ZFHX2: variants seen among roughly 807,000 people sequenced by gnomAD.
ZFHX2 encodes the protein zinc finger homeobox protein 2.
A neutral mutation model predicts 164.8 loss-of-function variants in ZFHX2; 75 were observed. The observed-to-expected ratio is 0.46, with a 90% CI of 0.38 to 0.55. ZFHX2 has a LOEUF of 0.55. Ranked by LOEUF, ZFHX2 falls within the 20% of genes least tolerant of loss-of-function variation. The pLI is 0.00. For synonymous variants in ZFHX2, 1,217 were observed against 1,351.4 expected (o/e 0.90, Z 2.18); for missense variants, 2,933 against 3,308.0 (o/e 0.89, Z 2.78).
chr14:23,544,623 C>T (rs1044029999), intron 1 of ZFHX2, among the ~76,000 whole-genome samples: 2 of 152,172 alleles, frequency 1.3e-5, no homozygotes, highest in East Asian at 1.9e-4. Flanking sequence ...GCTGTGAGCC[C>T]GTATGTGGTT....
rs535872656 is a variant in ZFHX2, at chr14:23,544,638, C to T, written c.-50+6705G>A. Reference sequence around the variant, plus strand: ...GCTGTGAGCCCGTATGTGGTTGGCCCGGCTGGCGCGGGCGTGTTTAGGGTG... The same window carrying T: ...GCTGTGAGCCCGTATGTGGTTGGCCTGGCTGGCGCGGGCGTGTTTAGGGTG... On this transcript the variant is annotated intron_variant, in intron 1 of 9. Coordinates refer to ENST00000419474, the MANE Select transcript of ZFHX2 (RefSeq NM_033400.3). Among the ~76,000 whole-genome samples, 24 of 152,272 alleles carry T rather than the reference C, an allele frequency of 1.6e-4. No homozygotes were observed. In the Middle Eastern group the frequency reaches 0.02, roughly 129 times the overall value.
rs1389572864 is a variant in ZFHX2, at chr14:23,524,521, C to A, written c.5421G>T (p.Leu1807=). Residue 1807 remains leucine, a synonymous_variant, in exon 9 of 10, where the codon CTG becomes CTT. Coordinates refer to ENST00000419474, the MANE Select transcript of ZFHX2 (RefSeq NM_033400.3). This position sits in a 1 kb window ranked among gnomAD's most constrained non-coding sequence, Gnocchi z 5.6. ...TTCTCTCCCCAAACACCAGCAAGGG[C>A]AGATCTAGGAGTTGGGGGGGAGCAC... ...QPSAPPQLLD[L]PLLVFGERNP... is the part of the protein sequence containing the mutation. 2 of 1,525,986 alleles carry A rather than the reference C, an allele frequency of 1.3e-6. No individual in the cohort carries two copies. The highest frequency in any genetic ancestry group is 2.4e-5 in the South Asian group (2 of 81,910). The allele number at this position is 1,525,986 out of a possible 1,614,324, so 94.5% of individuals were successfully genotyped here.
chr14:23,529,164 A>C (rs187766000), intron 6 of ZFHX2, among the ~76,000 whole-genome samples: 1 of 152,332 alleles, frequency 6.6e-6, no homozygotes, highest in East Asian at 1.9e-4. Flanking sequence ...CCCTCAGAAC[A>C]CAGAGCTGCC....
rs1878328672 is a variant in ZFHX2 at position 23,523,622 on chromosome 14, C to G, written c.6320G>C (p.Arg2107Thr). 2 of 1,557,946 alleles carry G rather than the reference C, an allele frequency of 1.3e-6. No homozygotes were observed. The highest frequency in any genetic ancestry group is 1.7e-6 in the Non-Finnish European group (2 of 1,157,964). Residue 2107 changes from arginine (R) to threonine (T), a missense_variant, in exon 9 of 10, where the codon AGA becomes ACA. Coordinates refer to ENST00000419474, the MANE Select transcript of ZFHX2 (RefSeq NM_033400.3). The surrounding 1 kb of genome is among the most constrained non-coding windows in gnomAD (Gnocchi z 4.1). ...ATTCTGGAACCAGACCTGGATGACT[C>G]TCTTGGGCAGCCCAATCTCCTCTCC... ...VLGEEIGLPK[R>T]VIQVWFQNAR... is the part of the protein sequence containing the mutation.
At chr14:23,530,765 C>T in intron 4 of ZFHX2, 1 of 277,610 alleles carries the variant, frequency 3.6e-6, no homozygotes, top group Non-Finnish European at 7.0e-6. Context: ...CACTTAACTC[C>T]AGCCAGCATA....
intron 1 of ZFHX2, among the ~76,000 whole-genome samples, chr14:23,549,055 A>G (rs1280762433): frequency 6.7e-6 from 1 of 150,196 alleles, no homozygotes; most frequent in Non-Finnish European, 1.5e-5. Context: ...TTGTTCAGCA[A>G]TTCCTCCCTT....
chr14:23,531,369 G>A (rs1879529175), intron 4 of ZFHX2, 112 bp downstream of exon 4: 3 of 1,304,458 alleles, frequency 2.3e-6, no homozygotes, highest in East Asian at 2.9e-5. Flanking sequence ...AGTATAGGTG[G>A]CCTACAGGCC....
intron 1 of ZFHX2, chr14:23,538,153 G>A (rs1228623392): frequency 2.0e-5 from 3 of 152,218 alleles, no homozygotes; most frequent in African/African-American, 7.2e-5. Flanking sequence ...GAAACCAAAG[G>A]AGCTTAGCTT....
rs1163239292 is a variant in ZFHX2 at position 23,533,524 on chromosome 14, T to C, written c.1802A>G (p.His601Arg). 14 of 1,535,984 alleles carry C rather than the reference T, an allele frequency of 9.1e-6. No individual in the cohort carries two copies. In the East Asian group the frequency reaches 3.4e-4, roughly 38 times the overall value. ...TGGCAGGCCCAGCGGCAGCCCCTGG[T>C]GCAGCATTAGGACATTCTGCATGTG... ...EKHMQNVLML[H>R]QGLPLGLPPG... Residue 601 changes from histidine to arginine, a missense_variant, in exon 2 of 10, where the codon CAC becomes CGC. Coordinates refer to ENST00000419474, the MANE Select transcript of ZFHX2 (RefSeq NM_033400.3). The surrounding 1 kb of genome is among the most constrained non-coding windows in gnomAD (Gnocchi z 4.8).
Position 23,534,215 on chromosome 14 carries a change from C to T in ZFHX2, c.1111G>A (p.Gly371Arg). The change falls in exon 2 of 10, where the codon GGG (glycine) becomes AGG (arginine). Residue 371 changes from glycine to arginine, a missense_variant. Transcript: ENST00000419474. This position sits in a 1 kb window ranked among gnomAD's most constrained non-coding sequence, Gnocchi z 4.5. ...TGCCCCTCAGGGAACCAATCTGGCC[C>T]TGCCTCGCCTGCTGCTACTGGCGAT... is the stretch of plus-strand genomic sequence containing the variant. ...KESPVAAGEA[G>R]PDWFPEGQEE... The T allele has an allele frequency of 1.3e-6, 2 of 1,501,694 alleles. No homozygotes were observed. Among genetic ancestry groups the T allele is most frequent in the Non-Finnish European group, 1.8e-6 (2 of 1,129,160 alleles). The allele number at this position is 1,501,694 out of a possible 1,614,324, so 93.0% of individuals were successfully genotyped here. A position where few individuals can be genotyped will look rare whatever the true frequency, so the allele number is the denominator to read the frequency against.
At chr14:23,545,114 G>A (rs1881253930) in intron 1 of ZFHX2, among the ~76,000 whole-genome samples, 1 of 149,530 alleles carries the variant, frequency 6.7e-6, no homozygotes, top group South Asian at 2.1e-4. Context: ...CGCCCTTCAC[G>A]GCTCCAGTTC....
In ZFHX2 at chr14:23,541,859, AAAAC is replaced by A. The variant is rs367775475; in HGVS notation, c.-49-6489_-49-6486del. The stretch of plus-strand genomic sequence containing the variant: ...AATCTTACCTTCTATATTTAAAAAG[AAAAC>A]AAACAGTACTTTGATTCTTCCCTTT... On this transcript the variant is annotated intron_variant, in intron 1 of 9. Transcript: ENST00000419474. Among the ~76,000 whole-genome samples, 103 of 152,376 alleles carry A rather than the reference AAAAC, an allele frequency of 6.8e-4. 2 individuals are homozygous for A. The East Asian group carries it at 0.015, about 22-fold the overall frequency.
chr14:23,522,543 CCTT>C lies in ZFHX2; in HGVS notation c.7135_7137del (p.Lys2379del). The C allele has an allele frequency of 6.5e-7, 1 of 1,527,244 alleles. No individual in the cohort carries two copies. The allele number at this position is 1,527,244 out of a possible 1,614,324, so 94.6% of individuals were successfully genotyped here. A position where few individuals can be genotyped will look rare whatever the true frequency, so the allele number is the denominator to read the frequency against. On this transcript the variant is annotated inframe_deletion, in exon 10 of 10. Transcript: ENST00000419474. ...ATCATGGGGTTCATGGGAAATAGCC[CCTT>C]CTTCATGCCATAGAGCTGTTGGAAG...
chr14:23,528,526 C>G (rs1051650709), intron 6 of ZFHX2: 1 of 877,600 alleles, frequency 1.1e-6, no homozygotes, highest in Non-Finnish European at 1.4e-6. Flanking sequence ...CGTGTCTTCT[C>G]TGTGAAATGG....
In ZFHX2 at chr14:23,525,628, A is replaced by C. The variant is rs760656452; in HGVS notation, c.4314T>G (p.Thr1438=). 13 of 1,535,824 alleles carry C rather than the reference A, an allele frequency of 8.5e-6. No homozygotes were observed. The South Asian group carries it at 1.2e-4, about 14-fold the overall frequency. ...AGTTTTCTAGAAGGGCTTTGGCTGCAGTGCGGGCAGCCTCGTTGGGCAATG... is the reference window on the plus strand; with the variant it reads ...AGTTTTCTAGAAGGGCTTTGGCTGCCGTGCGGGCAGCCTCGTTGGGCAATG... The part of the protein sequence containing the change: ...PDPLPNEAAR[T]AAKALLENFG... Residue 1438 remains threonine, a synonymous_variant, in exon 9 of 10, where the codon ACT becomes ACG. Coordinates refer to ENST00000419474, the MANE Select transcript of ZFHX2 (RefSeq NM_033400.3). The surrounding 1 kb of genome is among the most constrained non-coding windows in gnomAD (Gnocchi z 5.9).
In ZFHX2 at chr14:23,533,155, G is replaced by A. The variant is rs1374913980; in HGVS notation, c.2042-71C>T. 1.4e-6 allele frequency: 2 copies of A among 1,457,248 alleles called. No individual in the cohort carries two copies. Among genetic ancestry groups the A allele is most frequent in the Non-Finnish European group, 1.8e-6 (2 of 1,107,624 alleles). The allele number at this position is 1,457,248 out of a possible 1,614,324, so 90.3% of individuals were successfully genotyped here. A position where few individuals can be genotyped will look rare whatever the true frequency, so the allele number is the denominator to read the frequency against. ...CGGTTGGTTCTCTATGTGGGGAGGT[G>A]GGTTAATGAGTAGGATAGTGCTCAG... On this transcript the variant is annotated intron_variant, in intron 2 of 9. Coordinates refer to ENST00000419474, the MANE Select transcript of ZFHX2 (RefSeq NM_033400.3). This position sits in a 1 kb window ranked among gnomAD's most constrained non-coding sequence, Gnocchi z 4.8.
At chr14:23,554,199 T>C (rs1882177261), upstream of ZFHX2, among the ~76,000 whole-genome samples, 1 of 152,108 alleles carries the variant, frequency 6.6e-6, no homozygotes, top group Non-Finnish European at 1.5e-5. Flanking sequence ...CCCCACTGGA[T>C]TGGATCTTAT....
At position 23,525,555 on chromosome 14, in the gene ZFHX2, G is replaced by T; in HGVS notation, c.4387C>A (p.Pro1463Thr). 4 of 1,535,150 alleles carry T rather than the reference G, an allele frequency of 2.6e-6. No homozygotes were observed. The highest frequency in any genetic ancestry group is 3.5e-6 in the Non-Finnish European group (4 of 1,146,860). ...GGTGGGGGTGGGGTAGGGGGAGGGG[G>T]CACAGCTTGCTTCCCTTCATTGTAC... ...IQYNEGKQAVPPPPTPPPPEA... is the reference protein window; with the variant it reads ...IQYNEGKQAVTPPPTPPPPEA... The change falls in exon 9 of 10, where the codon CCC becomes ACC. Residue 1463 changes from proline to threonine, a missense_variant. Pro to Thr is a conservative substitution (Grantham distance 38). Transcript: ENST00000419474. The surrounding 1 kb of genome is among the most constrained non-coding windows in gnomAD (Gnocchi z 5.9).
chr14:23,523,803 C>T lies in ZFHX2; in HGVS notation c.6139G>A (p.Gly2047Arg). 1 of 1,536,250 alleles carries T rather than the reference C, an allele frequency of 6.5e-7. No homozygotes were observed. Among genetic ancestry groups the T allele is most frequent in the Non-Finnish European group, 8.7e-7 (1 of 1,146,934 alleles). The change falls in exon 9 of 10, where the codon GGA (glycine) becomes AGA (arginine). Residue 2047 changes from glycine to arginine, a missense_variant. Coordinates refer to ENST00000419474, the MANE Select transcript of ZFHX2 (RefSeq NM_033400.3). The surrounding 1 kb of genome is among the most constrained non-coding windows in gnomAD (Gnocchi z 4.1). Reference protein sequence around the residue: ...SLAEPESPGAGGTSGGPGGGT... With the variant: ...SLAEPESPGARGTSGGPGGGT... ...CCTCCAGGTCCCCCACTGGTCCCTC[C>T]AGCCCCAGGGGATTCTGGTTCAGCT...
Sources: allele counts gnomAD v4.1 joint callset (sites outside exome capture counted in the v4.1 genomes callset), GRCh38; gene constraint gnomAD v4.1.1; non-coding constraint Gnocchi (gnomAD v3.1); transcripts MANE v1.5; gene names NCBI Gene and HGNC (gene_info 2026-07-23, HGNC 2026-07-21).